The following CFAP44 variants were observed in gnomAD, a reference collection of about 807,000 sequenced individuals.
The protein encoded by CFAP44 is cilia- and flagella-associated protein 44.
Under a neutral mutation model 216.2 loss-of-function variants are expected in CFAP44, and 134 were observed. The ratio of observed to expected loss-of-function variants is 0.62; its 90% CI spans 0.54 to 0.72. The LOEUF (loss-of-function observed/expected upper bound fraction) is 0.72, where lower values mean the gene tolerates loss of function less well. Among genes scored for constraint, CFAP44 ranks in the 30% least tolerant of loss-of-function variants. The probability of loss-of-function intolerance (pLI) is 0.00; values close to 1 mark genes in which losing one functional copy is unlikely to be tolerated. For missense variants in CFAP44, 2,035 were observed against 2,182.1 expected, an observed-to-expected ratio of 0.93 and a Z score of 1.34; for synonymous variants, 700 against 727.6, an observed-to-expected ratio of 0.96 and a Z score of 0.61.
At chr3:113,299,111 C>G (rs1004661836) in intron 32 of CFAP44, among the ~76,000 whole-genome samples, 1 of 152,018 alleles carries the variant, frequency 6.6e-6, no homozygotes, top group African/African-American at 2.4e-5. Flanking sequence ...AAACAATCAA[C>G]AAAGTAAAAA....
chr3:113,321,022 A>C (rs1232623395), intron 28 of CFAP44, among the ~76,000 whole-genome samples: 1 of 152,324 alleles, frequency 6.6e-6, no homozygotes, highest in East Asian at 1.9e-4. Flanking sequence ...CATTCTATGA[A>C]ACCAGCATCA....
At chr3:113,304,189 A>G (rs1199512842) in intron 31 of CFAP44, 72 bp from the exon 32 acceptor site, 3 of 1,457,384 alleles carry the variant, frequency 2.1e-6, no homozygotes, top group African/African-American at 2.8e-5. Flanking sequence ...AAAGCATAAG[A>G]GGTGCACTTC....
At chr3:113,386,513 C>T (rs1933652324) in intron 15 of CFAP44, among the ~76,000 whole-genome samples, 1 of 152,078 alleles carries the variant, frequency 6.6e-6, no homozygotes. Flanking sequence ...TTACATGAAA[C>T]AGTGAAGAAC....
At chr3:113,361,597 G>A (rs772409709) in intron 21 of CFAP44, among the ~76,000 whole-genome samples, 1 of 149,904 alleles carries the variant, frequency 6.7e-6, no homozygotes, top group Non-Finnish European at 1.5e-5. Context: ...CAGGTTTCAC[G>A]CCATTCTCCT....
chr3:113,324,691 C>T (rs1176219780), intron 28 of CFAP44, among the ~76,000 whole-genome samples: 3 of 152,118 alleles, frequency 2.0e-5, no homozygotes, highest in African/African-American at 7.2e-5. Context: ...CAGCTTTCAG[C>T]ACTCACATAG....
chr3:113,413,674 G>T (rs1186639527), intron 6 of CFAP44, among the ~76,000 whole-genome samples: 1 of 151,360 alleles, frequency 6.6e-6, no homozygotes, highest in African/African-American at 2.4e-5. Context: ...AAGATCAGAT[G>T]TGTGGTGTTA....
chr3:113,428,098 T>C (rs1935010432), intron 2 of CFAP44, among the ~76,000 whole-genome samples: 1 of 152,214 alleles, frequency 6.6e-6, no homozygotes, highest in South Asian at 2.1e-4. Flanking sequence ...TGTATTTGGA[T>C]GGCAAGAAAG....
intron 6 of CFAP44, among the ~76,000 whole-genome samples, chr3:113,414,946 C>T (rs541225947): frequency 1.3e-3 from 196 of 152,190 alleles, no homozygotes; most frequent in African/African-American, 4.4e-3. Flanking sequence ...GTACCAGCTC[C>T]TCTTTGTATT....
At chr3:113,436,256 A>T (rs1198484180) in intron 1 of CFAP44, among the ~76,000 whole-genome samples, 1 of 152,056 alleles carries the variant, frequency 6.6e-6, no homozygotes, top group Non-Finnish European at 1.5e-5. Context: ...TTAAATAAAG[A>T]ATTATGCAGC....
At chr3:113,296,607 G>T in intron 33 of CFAP44, 118 bp downstream of exon 33, 1 of 1,197,162 alleles carries the variant, frequency 8.4e-7, no homozygotes, top group Non-Finnish European at 1.1e-6. Flanking sequence ...GGCAGCCAAA[G>T]GGGGCTCGCG....
rs555800477 is a variant in CFAP44, at chr3:113,375,221, G to A, written c.2299-1665C>T. ...TCATTTGATGAGTATGGGAGTTTCAGTGTTACAGGATGAGGAGGACGGTAG... is the reference window on the plus strand; with the variant it reads ...TCATTTGATGAGTATGGGAGTTTCAATGTTACAGGATGAGGAGGACGGTAG... On this transcript the variant is annotated intron_variant, in intron 17 of 34. Coordinates refer to ENST00000393845, the MANE Select transcript of CFAP44 (RefSeq NM_001164496.2). 2.0e-5 allele frequency among the ~76,000 whole-genome samples: 3 copies of A among 152,336 alleles called. No individual in the cohort carries two copies. In the East Asian group the frequency reaches 5.8e-4, roughly 29 times the overall value.
chr3:113,338,593 A>G (rs1257257260), intron 24 of CFAP44, among the ~76,000 whole-genome samples: 1 of 152,116 alleles, frequency 6.6e-6, no homozygotes, highest in East Asian at 1.9e-4. Context: ...TGCAGAGCAG[A>G]CTGCTTCTCA....
chr3:113,425,203 A>G (rs902075508), intron 4 of CFAP44, among the ~76,000 whole-genome samples: 12 of 152,210 alleles, frequency 7.9e-5, no homozygotes, highest in African/African-American at 2.7e-4. Flanking sequence ...AACATGTTCT[A>G]TTTTTATGTT....
At chr3:113,376,651 G>A (rs1006513268) in intron 17 of CFAP44, among the ~76,000 whole-genome samples, 1 of 152,288 alleles carries the variant, frequency 6.6e-6, no homozygotes, top group East Asian at 1.9e-4. Context: ...ATTGACCTCT[G>A]AGCTTATCAT....
In CFAP44 at chr3:113,305,118, T is replaced by G. The variant is rs1355827713; in HGVS notation, c.4793A>C (p.Glu1598Ala). The change falls in exon 31 of 35, where the codon GAG (glutamate) becomes GCG (alanine). Residue 1598 changes from glutamate (E) to alanine (A), a missense_variant. Around this residue, in one of 3 missense-constraint regions of CFAP44, gnomAD observed 1,883 missense variants for 2,023.7 expected, o/e 0.93. Transcript: ENST00000393845. ...TCGCTGATAAGCCTCCAGGGCCTCC[T>G]CTGCTGCATTCAGATTAGTTGCCAC... ...KIVATNLNAA[E>A]EALEAYQREK... 7 of 1,537,150 alleles carry G rather than the reference T, an allele frequency of 4.6e-6. No individual in the cohort carries two copies. The highest frequency in any genetic ancestry group is 2.0e-5 in the Admixed American group (1 of 50,988).
At chr3:113,296,062 C>T (rs763768932) in intron 33 of CFAP44, among the ~76,000 whole-genome samples, 41 of 152,284 alleles carry the variant, frequency 2.7e-4, no homozygotes, top group Middle Eastern at 3.4e-3. Context: ...CCATCCTCCC[C>T]GCTGCTGGAG....
intron 31 of CFAP44, 56 bp downstream of exon 31, chr3:113,304,980 C>G: frequency 6.9e-7 from 1 of 1,459,438 alleles, no homozygotes; most frequent in South Asian, 1.2e-5. Context: ...CTCTGAAAAG[C>G]TTGGGTGTGA....
At chr3:113,341,949 T>C in intron 23 of CFAP44, 31 bp from the exon 24 acceptor site, 1 of 1,485,960 alleles carries the variant, frequency 6.7e-7, no homozygotes, top group Non-Finnish European at 8.8e-7. Flanking sequence ...TTTCAGCCTT[T>C]TTGAGACATA....
intron 13 of CFAP44, 45 bp downstream of exon 13, chr3:113,399,861 T>C (rs370996979): frequency 1.8e-5 from 24 of 1,329,978 alleles, no homozygotes; most frequent in African/African-American, 1.3e-4. Flanking sequence ...TGATATACCA[T>C]ATTTACCAAT....
Sources: allele counts gnomAD v4.1 joint callset (sites outside exome capture counted in the v4.1 genomes callset), GRCh38; gene constraint gnomAD v4.1.1; regional missense constraint gnomAD v4.1.1; transcripts MANE v1.5; gene names NCBI Gene and HGNC (gene_info 2026-07-23, HGNC 2026-07-21).